The following FBXL13 variants were observed in gnomAD, a reference collection of about 807,000 sequenced individuals.
The protein encoded by FBXL13 is F-box and leucine rich repeat protein 13, also known as F-box and leucine-rich repeat protein 13.
A neutral mutation model predicts 83.6 loss-of-function variants in FBXL13; 67 were observed. The observed-to-expected ratio is 0.80, with a 90% confidence interval of 0.66 to 0.98. The LOEUF (loss-of-function observed/expected upper bound fraction) is 0.98. Among genes scored for constraint, FBXL13 ranks in the 50% least tolerant of loss-of-function variants. The probability of loss-of-function intolerance (pLI) is 0.00; values close to 1 mark genes in which losing one functional copy is unlikely to be tolerated. For missense variants in FBXL13, 822 were observed against 866.5 expected (o/e 0.95, Z 0.64); for synonymous variants, 272 against 299.5 (o/e 0.91, Z 0.95).
At chr7:102,854,987 C>T (rs2041094) in intron 16 of FBXL13, 127 bp from the exon 18 acceptor site, 90,004 of 518,204 alleles carry the variant, frequency 0.17, 8,631 homozygotes, top group Middle Eastern at 0.23. Context: ...ATTTTAGTTG[C>T]TGTCATATTT....
intron 11 of FBXL13, among the ~76,000 whole-genome samples, chr7:102,903,939 C>CTTTTCTTT (rs1321420603): frequency 0.018 from 779 of 43,328 alleles, 7 homozygotes; most frequent in East Asian, 0.024. Flanking sequence ...CTTTTCTTTT[C>CTTTTCTTT]TTTTTTTTTT....
chr7:102,816,229 C>A (rs974707371), intron 19 of FBXL13: 15 of 152,238 alleles, frequency 9.9e-5, no homozygotes, highest in Admixed American at 3.3e-4. Context: ...CAGACCCACT[C>A]TCCTTCCAGA....
rs114626804 is a variant in FBXL13, at chr7:102,913,098, A to G, written c.996T>C (p.Ser332=). The G allele has an allele frequency of 6.8e-4, 1,104 of 1,614,170 alleles. 7 individuals are homozygous for G. The African/African-American group carries it at 0.014, about 20-fold the overall frequency. Residue 332 remains serine (S), a synonymous_variant, in exon 11 of 20, where the codon TCT becomes TCC. Coordinates refer to ENST00000313221, the Ensembl canonical transcript of FBXL13. ...CTGAAAGACAAACCTGGGTGCAGCC[A>G]GAGAGGTCCAGATAGATGAGCTTGT...
At chr7:102,867,959 C>T (rs540317089) in intron 16 of FBXL13, among the ~76,000 whole-genome samples, 4 of 151,704 alleles carry the variant, frequency 2.6e-5, no homozygotes, top group African/African-American at 9.7e-5. Flanking sequence ...ACCTCGGCCT[C>T]CCAAAGTGCT....
exon 6 of FBXL13, chr7:103,025,136 G>T (rs1304504527): frequency 5.0e-6 from 8 of 1,612,514 alleles, no homozygotes; most frequent in Non-Finnish European, 6.8e-6. Flanking sequence ...GACTTCAGAA[G>T]AACTTCGTTC....
intron 6 of FBXL13, among the ~76,000 whole-genome samples, chr7:102,994,775 G>A (rs898172074): frequency 1.3e-5 from 2 of 152,166 alleles, no homozygotes; most frequent in African/African-American, 4.8e-5. Context: ...GCTGGCTTCT[G>A]ATTGGTCAGT....
chr7:102,864,842 G>A (rs1445852524), intron 16 of FBXL13, among the ~76,000 whole-genome samples: 1 of 152,154 alleles, frequency 6.6e-6, no homozygotes, highest in Non-Finnish European at 1.5e-5. Flanking sequence ...AACACTGTGA[G>A]GTAGGTAATA....
At chr7:103,011,553 G>A (rs185912965) in intron 6 of FBXL13, among the ~76,000 whole-genome samples, 236 of 151,194 alleles carry the variant, frequency 1.6e-3, no homozygotes, top group African/African-American at 5.6e-3. Context: ...CTGGAGAATC[G>A]CTTGAACCCG....
intron 11 of FBXL13, among the ~76,000 whole-genome samples, chr7:102,893,612 A>G (rs1811810658): frequency 6.6e-6 from 1 of 151,758 alleles, no homozygotes; most frequent in African/African-American, 2.4e-5. Context: ...TAAAAATACA[A>G]AAAAAATTAG....
rs116180541 is a variant in FBXL13 at position 103,038,221 on chromosome 7, C to G, written c.1-8803G>C. 3.7e-3 allele frequency among the ~76,000 whole-genome samples: 560 copies of G among 152,328 alleles called. 4 individuals are homozygous for G. The highest frequency in any genetic ancestry group is 0.013 in the African/African-American group (553 of 41,588). On this transcript the variant is annotated intron_variant, in intron 2 of 19. Transcript: ENST00000313221. ...CACTGCTAGCGCAGCAGTCTGAGATCGACCTGCGACACTGCAGATTGGCGG... is the reference window on the plus strand; with the variant it reads ...CACTGCTAGCGCAGCAGTCTGAGATGGACCTGCGACACTGCAGATTGGCGG...
At chr7:102,956,873 C>T (rs544913362) in intron 8 of FBXL13, among the ~76,000 whole-genome samples, 3 of 151,944 alleles carry the variant, frequency 2.0e-5, no homozygotes, top group Admixed American at 6.6e-5. Context: ...CACTGCTCAA[C>T]ACAATAAAAG....
At position 103,055,849 on chromosome 7, in the gene FBXL13, G is replaced by T. The variant is rs74525810; in HGVS notation, c.-104-102C>A. 4.0e-3 allele frequency: 1,944 copies of T among 491,692 alleles called. 39 individuals are homozygous for T. The highest frequency in any genetic ancestry group is 0.038 in the African/African-American group (1,820 of 48,192). 30.5% of individuals were successfully genotyped at this position (491,692 alleles called of 1,614,324 possible). On this transcript the variant is annotated intron_variant, in intron 1 of 19. Transcript: ENST00000313221. Reference sequence around the variant, plus strand: ...GTTCAATTTGTTTTGGGTTTTTTTGGTTTTTAATTATTTATTTCCATAGGT... The same window carrying T: ...GTTCAATTTGTTTTGGGTTTTTTTGTTTTTTAATTATTTATTTCCATAGGT...
At chr7:102,943,191 G>T (rs1462046254) in intron 8 of FBXL13, among the ~76,000 whole-genome samples, 2 of 152,178 alleles carry the variant, frequency 1.3e-5, no homozygotes, top group South Asian at 2.1e-4. Context: ...TGTTTTCTAG[G>T]CATTTTCAGT....
At chr7:103,048,096 T>A (rs970275062) in intron 2 of FBXL13, among the ~76,000 whole-genome samples, 2 of 152,204 alleles carry the variant, frequency 1.3e-5, no homozygotes, top group African/African-American at 4.8e-5. Context: ...TAACTTAACA[T>A]GTTAAATAAT....
At chr7:102,963,691 A>T in intron 7 of FBXL13, 26 bp from the exon 9 acceptor site, 1 of 1,574,632 alleles carries the variant, frequency 6.4e-7, no homozygotes, top group South Asian at 1.2e-5. Context: ...AAAATGCATT[A>T]AGAAATGAGA....
At chr7:103,017,700 C>G (rs2129487247) in intron 6 of FBXL13, among the ~76,000 whole-genome samples, 1 of 152,054 alleles carries the variant, frequency 6.6e-6, no homozygotes, top group South Asian at 2.1e-4. Flanking sequence ...TAGCTGATTC[C>G]ATCAAGTGGA....
At chr7:103,030,311 C>A (rs1013508715) in intron 2 of FBXL13, among the ~76,000 whole-genome samples, 1 of 152,138 alleles carries the variant, frequency 6.6e-6, no homozygotes, top group African/African-American at 2.4e-5. Context: ...GCCCATAGGA[C>A]CCCCGACATG....
intron 10 of FBXL13, among the ~76,000 whole-genome samples, chr7:102,913,820 G>A (rs1412842774): frequency 6.6e-6 from 1 of 152,152 alleles, no homozygotes. Flanking sequence ...TTGATATGCA[G>A]AGTTTAAGCA....
intron 6 of FBXL13, among the ~76,000 whole-genome samples, chr7:103,018,785 A>G (rs1340795246): frequency 1.3e-5 from 2 of 152,226 alleles, no homozygotes; most frequent in African/African-American, 4.8e-5. Flanking sequence ...ACTATACTAA[A>G]TATGTATGCA....
Sources: gnomAD v4.1 joint callset for allele counts (sites outside exome capture counted in the v4.1 genomes callset) on GRCh38, gnomAD v4.1.1 for gene constraint, MANE v1.5 for transcripts, NCBI Gene and HGNC (gene_info 2026-07-23, HGNC 2026-07-21) for gene names.